GALNT13: variants seen among roughly 807,000 people sequenced by gnomAD.
GALNT13 encodes UDP-GalNAc:polypeptide N-acetylgalactosaminyltransferase 13.
A neutral mutation model predicts 64.2 loss-of-function variants in GALNT13; 28 were observed. The observed-to-expected ratio is 0.44, with a 90% CI of 0.32 to 0.60. The LOEUF (loss-of-function observed/expected upper bound fraction) is 0.60, where lower values mean the gene tolerates loss of function less well. Among genes scored for constraint, GALNT13 ranks in the 20% least tolerant of loss-of-function variants. The pLI is 0.05. For missense variants in GALNT13, 577 were observed against 669.8 expected, an observed-to-expected ratio of 0.86 and a Z score of 1.53; for synonymous variants, 214 against 224.6, an observed-to-expected ratio of 0.95 and a Z score of 0.42.
chr2:154,150,314 G>T (rs2105617649), intron 4 of GALNT13, among the ~76,000 whole-genome samples: 1 of 152,240 alleles, frequency 6.6e-6, no homozygotes, highest in African/African-American at 2.4e-5. Context: ...TTGATGTGCT[G>T]CTGGATTCGG....
intron 11 of GALNT13, among the ~76,000 whole-genome samples, chr2:154,434,166 A>G (rs760590735): frequency 6.6e-6 from 1 of 152,220 alleles, no homozygotes; most frequent in Admixed American, 6.5e-5. Flanking sequence ...TCTGTTGCTT[A>G]GGCCACCCAG....
intron 9 of GALNT13, among the ~76,000 whole-genome samples, chr2:154,355,179 G>T (rs1696666216): frequency 1.3e-5 from 2 of 152,024 alleles, no homozygotes; most frequent in Admixed American, 6.6e-5. Flanking sequence ...AGCTCAGGTT[G>T]TATAGCCTGT....
At chr2:153,732,618 A>T in the GALNT13 span, among the ~76,000 whole-genome samples, 1 of 152,076 alleles carries the variant, frequency 6.6e-6, no homozygotes, top group Non-Finnish European at 1.5e-5. Flanking sequence ...TGTGTCTGTT[A>T]TACTATGCAT....
At chr2:153,785,637 T>G in the GALNT13 span, among the ~76,000 whole-genome samples, 6 of 151,936 alleles carry the variant, frequency 3.9e-5, no homozygotes, top group African/African-American at 1.4e-4. Context: ...GGAGCCACTG[T>G]TACTGGGAGT....
chr2:153,866,321 T>A, the GALNT13 span, among the ~76,000 whole-genome samples: 7 of 147,584 alleles, frequency 4.7e-5, no homozygotes, highest in African/African-American at 7.5e-5. Context: ...TAAAAAAAAA[T>A]AAATGGTTGG....
At chr2:154,064,864 G>A (rs1488086850) in intron 3 of GALNT13, among the ~76,000 whole-genome samples, 1 of 151,998 alleles carries the variant, frequency 6.6e-6, no homozygotes, top group Admixed American at 6.6e-5. Context: ...AAGAGTAAAG[G>A]GGACTTTGTT....
intron 3 of GALNT13, among the ~76,000 whole-genome samples, chr2:154,033,923 A>G (rs1485034995): frequency 6.6e-6 from 1 of 152,166 alleles, no homozygotes; most frequent in Admixed American, 6.5e-5. Context: ...CTGGCGACAG[A>G]GCAGGACTCC....
intron 9 of GALNT13, among the ~76,000 whole-genome samples, chr2:154,367,913 T>C (rs192984364): frequency 1.5e-4 from 23 of 152,238 alleles, no homozygotes; most frequent in African/African-American, 5.3e-4. Flanking sequence ...GAGTAAAAAG[T>C]TCAAGAATAA....
At chr2:153,970,976 C>T (rs1240640826) in intron 3 of GALNT13, among the ~76,000 whole-genome samples, 2 of 152,188 alleles carry the variant, frequency 1.3e-5, no homozygotes, top group African/African-American at 4.8e-5. Flanking sequence ...TGATGGCTTA[C>T]TCAAGTTCTG....
chr2:154,040,096 T>C (rs1698892476), intron 3 of GALNT13, among the ~76,000 whole-genome samples: 1 of 140,982 alleles, frequency 7.1e-6, no homozygotes, highest in Non-Finnish European at 1.6e-5. Flanking sequence ...TACATATCTG[T>C]CAGACACTTG....
chr2:153,287,477 G>A, the GALNT13 span, among the ~76,000 whole-genome samples: 6 of 152,178 alleles, frequency 3.9e-5, no homozygotes, highest in Admixed American at 6.5e-5. Context: ...GTTGGAGAAT[G>A]AGTGCAAGGT....
chr2:153,165,554 A>T, the GALNT13 span, among the ~76,000 whole-genome samples: 1 of 152,112 alleles, frequency 6.6e-6, no homozygotes, highest in Non-Finnish European at 1.5e-5. Context: ...GTAAGCAAAC[A>T]TTTTCATTCA....
At chr2:153,715,568 A>G in the GALNT13 span, among the ~76,000 whole-genome samples, 5 of 152,252 alleles carry the variant, frequency 3.3e-5, no homozygotes, top group African/African-American at 1.2e-4. Context: ...CTTTGAAAAC[A>G]TACATAAATT....
intron 3 of GALNT13, among the ~76,000 whole-genome samples, chr2:154,102,955 T>G (rs998239362): frequency 2.0e-5 from 3 of 152,186 alleles, no homozygotes; most frequent in African/African-American, 2.4e-5. Flanking sequence ...TACTGCTGTT[T>G]GCTTTGGTTT....
chr2:153,958,418 T>G (rs1471927088), intron 3 of GALNT13, among the ~76,000 whole-genome samples: 1 of 152,192 alleles, frequency 6.6e-6, no homozygotes, highest in African/African-American at 2.4e-5. Context: ...GAAGTCTAAT[T>G]GTAAAGTATC....
the GALNT13 span, among the ~76,000 whole-genome samples, chr2:153,307,966 C>T: frequency 1.3e-5 from 2 of 151,944 alleles, no homozygotes; most frequent in African/African-American, 4.8e-5. Flanking sequence ...AGCAGATTTA[C>T]AGATATGAAC....
intron 3 of GALNT13, among the ~76,000 whole-genome samples, chr2:154,020,230 G>A (rs62172824): frequency 0.2 from 31,058 of 152,032 alleles, 4,076 homozygotes; most frequent in Middle Eastern, 0.33. Flanking sequence ...TGGGATGGCT[G>A]GGTCAAATGG....
chr2:153,476,806 TTAACGTCAC>T, the GALNT13 span, among the ~76,000 whole-genome samples: 1 of 152,196 alleles, frequency 6.6e-6, no homozygotes, highest in African/African-American at 2.4e-5. Context: ...CTAGGGAGCA[TTAACGTCAC>T]TAACGTCACT....
chr2:153,595,443 G>A, the GALNT13 span, among the ~76,000 whole-genome samples: 1 of 151,808 alleles, frequency 6.6e-6, no homozygotes, highest in South Asian at 2.1e-4. Context: ...AAAATTTTAT[G>A]TTATATAAAA....
Sources: gnomAD v4.1 joint callset for allele counts (sites outside exome capture counted in the v4.1 genomes callset) on GRCh38, gnomAD v4.1.1 for gene constraint, MANE v1.5 for transcripts, NCBI Gene and HGNC (gene_info 2026-07-23, HGNC 2026-07-21) for gene names.